Variants in PCDHGA6 observed in about 807,000 individuals in gnomAD.
PCDHGA6 encodes the protein protocadherin gamma-A6.
A neutral mutation model predicts 60.6 loss-of-function variants in PCDHGA6; 41 were observed. That is an observed-to-expected ratio of 0.68 (90% confidence interval 0.53 to 0.88). PCDHGA6 has a LOEUF of 0.88. Among genes scored for constraint, PCDHGA6 ranks in the 40% least tolerant of loss-of-function variants. The pLI is 0.00. For synonymous variants in PCDHGA6, 594 were observed against 524.4 expected (o/e 1.13, Z -1.81); for missense variants, 1,312 against 1,203.0 (o/e 1.09, Z -1.34).
rs565813908 is a variant in PCDHGA6 at position 141,503,968 on chromosome 5, G to A, written c.2484-1425G>A. Among the ~76,000 whole-genome samples, 14 of 152,182 alleles carry A rather than the reference G, an allele frequency of 9.2e-5. No homozygotes were observed. The South Asian group carries it at 2.7e-3, about 29-fold the overall frequency. ...GGCCTACCCTACAGCCTTTCCCATG[G>A]TGCCAAACCCTTCTTCTTACCTTAC... On this transcript the variant is annotated intron_variant, in intron 2 of 3. Transcript: ENST00000517434.
At chr5:141,499,025 G>A (rs561539084) in intron 2 of PCDHGA6, among the ~76,000 whole-genome samples, 4 of 140,712 alleles carry the variant, frequency 2.8e-5, no homozygotes, top group Admixed American at 1.4e-4. Context: ...AGGAAGGAAG[G>A]AAGAAAAGAA....
chr5:141,419,842 C>A, intron 1 of PCDHGA6: 1 of 1,614,074 alleles, frequency 6.2e-7, no homozygotes, highest in South Asian at 1.1e-5. Flanking sequence ...CCACGCTGCA[C>A]CTGGTGTTCG....
At position 141,459,533 on chromosome 5, in the gene PCDHGA6, A is replaced by AT. The variant is rs956234847; in HGVS notation, c.2425-35266dup. Among the ~76,000 whole-genome samples the AT allele has an allele frequency of 1.2e-4, 18 of 152,018 alleles. No homozygotes were observed. In the South Asian group the frequency reaches 2.3e-3, roughly 19 times the overall value. ...CATGTACAAGTATTTTTGTAGGCAT[A>AT]TTTTTTTTATTTCTCTTGGATAAAT... is the stretch of plus-strand genomic sequence containing the variant. On this transcript the variant is annotated intron_variant, in intron 1 of 3. Transcript: ENST00000517434.
chr5:141,509,819 C>T (rs1008625658), intron 3 of PCDHGA6, among the ~76,000 whole-genome samples: 3 of 152,154 alleles, frequency 2.0e-5, no homozygotes, highest in African/African-American at 7.2e-5. Context: ...AGCTCTTCTC[C>T]ATCTTCTCTC....
intron 2 of PCDHGA6, among the ~76,000 whole-genome samples, chr5:141,495,968 CTGTTACTCTTTCTT>C (rs1033811907): frequency 6.6e-6 from 1 of 152,126 alleles, no homozygotes; most frequent in African/African-American, 2.4e-5. Context: ...GCCTCTTTCT[CTGTTACTCTTTCTT>C]TATCTCTCTT....
Position 141,487,390 on chromosome 5 carries a change from G to A in PCDHGA6, c.2425-7417G>A, listed in dbSNP as rs769886634. On this transcript the variant is annotated intron_variant, in intron 1 of 3. Coordinates refer to ENST00000517434, the MANE Select transcript of PCDHGA6 (RefSeq NM_018919.3). The surrounding 1 kb of genome is among the most constrained non-coding windows in gnomAD (Gnocchi z 5.0). The stretch of plus-strand genomic sequence containing the variant: ...GTGCCTGTCTCACCAGATCTCGAAG[G>A]AGGGAGGGGCTTCCCCCTTCCAATG... 1.2e-6 allele frequency: 2 copies of A among 1,614,182 alleles called. No homozygotes were observed. The highest frequency in any genetic ancestry group is 1.3e-5 in the African/African-American group (1 of 75,070).
intron 1 of PCDHGA6, chr5:141,385,577 T>C: frequency 1.6e-6 from 2 of 1,290,108 alleles, no homozygotes; most frequent in Non-Finnish European, 2.0e-6. Context: ...TACTTTCCAA[T>C]CTATGTTCCA....
Position 141,487,278 on chromosome 5 carries a change from T to G in PCDHGA6, c.2425-7529T>G. 6 of 1,614,180 alleles carry G rather than the reference T, an allele frequency of 3.7e-6. No individual in the cohort carries two copies. Among genetic ancestry groups the G allele is most frequent in the Non-Finnish European group, 5.1e-6 (6 of 1,180,040 alleles). On this transcript the variant is annotated intron_variant, in intron 1 of 3. Coordinates refer to ENST00000517434, the MANE Select transcript of PCDHGA6 (RefSeq NM_018919.3). The surrounding 1 kb of genome is among the most constrained non-coding windows in gnomAD (Gnocchi z 5.0). Reference sequence around the variant, plus strand: ...GCTGTGTCCCTAGTGGCAATTTGCTTTGTCTCCTTTGGCTCATTCGTGGCA... The same window carrying G: ...GCTGTGTCCCTAGTGGCAATTTGCTGTGTCTCCTTTGGCTCATTCGTGGCA...
chr5:141,496,081 C>A (rs976166091), intron 2 of PCDHGA6, among the ~76,000 whole-genome samples: 1 of 152,060 alleles, frequency 6.6e-6, no homozygotes, highest in Non-Finnish European at 1.5e-5. Flanking sequence ...CACAACCCCC[C>A]ACCCACCACC....
At chr5:141,377,569 C>A (rs1774120455) in intron 1 of PCDHGA6, 1 of 151,048 alleles carries the variant, frequency 6.6e-6, no homozygotes, top group African/African-American at 2.4e-5. Context: ...GCACCCTAGC[C>A]TGGGAGACAG....
At chr5:141,401,129 G>A (rs1327832164) in intron 1 of PCDHGA6, among the ~76,000 whole-genome samples, 3 of 152,168 alleles carry the variant, frequency 2.0e-5, no homozygotes, top group African/African-American at 7.2e-5. Context: ...GGATCACATG[G>A]TCAGGAGTTC....
At position 141,383,787 on chromosome 5, in the gene PCDHGA6, G is replaced by A. The variant is rs773505278; in HGVS notation, c.2424+7280G>A. 12 of 1,613,832 alleles carry A rather than the reference G, an allele frequency of 7.4e-6. No homozygotes were observed. In the South Asian group the frequency reaches 7.7e-5, roughly 10 times the overall value. On this transcript the variant is annotated intron_variant, in intron 1 of 3. Transcript: ENST00000517434. ...TTCCAAAGATGTTTCATCTGAACTC[G>A]CTTACAGGAGAAATATCAACTTTAG...
At chr5:141,410,302 A>G (rs1332359508) in intron 1 of PCDHGA6, 1 of 1,613,356 alleles carries the variant, frequency 6.2e-7, no homozygotes, top group Non-Finnish European at 8.5e-7. Context: ...CCTTAATCTC[A>G]GTGCTCTTCC....
intron 2 of PCDHGA6, among the ~76,000 whole-genome samples, chr5:141,498,792 G>A (rs1217057199): frequency 2.6e-5 from 4 of 152,086 alleles, no homozygotes; most frequent in Admixed American, 2.6e-4. Context: ...TATTAGCCAG[G>A]TGTGGTGGTG....
intron 3 of PCDHGA6, among the ~76,000 whole-genome samples, chr5:141,506,429 A>G (rs1406730781): frequency 7.0e-6 from 1 of 143,144 alleles, no homozygotes; most frequent in Non-Finnish European, 1.5e-5. Flanking sequence ...CCTGGGCAAC[A>G]GTCTCGCTCT....
chr5:141,385,097 C>T (rs1296944219), intron 1 of PCDHGA6: 3 of 1,614,192 alleles, frequency 1.9e-6, no homozygotes, highest in East Asian at 2.2e-5. Context: ...GGTGGCTTGG[C>T]GAACGTGCCC....
At chr5:141,408,884 A>G (rs755835568) in intron 1 of PCDHGA6, 2 of 1,613,384 alleles carry the variant, frequency 1.2e-6, no homozygotes, top group Non-Finnish European at 1.7e-6. Context: ...CACCGCTCAC[A>G]TAGAAATTTC....
Position 141,393,390 on chromosome 5 carries a change from G to C in PCDHGA6, c.2424+16883G>C, listed in dbSNP as rs761230046. On this transcript the variant is annotated intron_variant, in intron 1 of 3. Coordinates refer to ENST00000517434, the MANE Select transcript of PCDHGA6 (RefSeq NM_018919.3). ...TGGAGACAATGGAGCCATAAACCCA[G>C]AGCTGGTGCTGGAGCGCGCCCTGGA... 24 of 1,613,882 alleles carry C rather than the reference G, an allele frequency of 1.5e-5. No homozygotes were observed. The South Asian group carries it at 2.5e-4, about 17-fold the overall frequency.
chr5:141,400,543 T>C (rs2094038969), intron 1 of PCDHGA6: 1 of 1,613,794 alleles, frequency 6.2e-7, no homozygotes. Flanking sequence ...CATTTATGTC[T>C]ATTCTTTTTC....
Sources: allele counts gnomAD v4.1 joint callset (sites outside exome capture counted in the v4.1 genomes callset), GRCh38; gene constraint gnomAD v4.1.1; non-coding constraint Gnocchi (gnomAD v3.1); transcripts MANE v1.5; gene names NCBI Gene and HGNC (gene_info 2026-07-23, HGNC 2026-07-21).